PAM: variants seen among roughly 807,000 people sequenced by gnomAD.
The protein encoded by PAM is peptidyl-glycine alpha-amidating monooxygenase.
A neutral mutation model predicts 122.1 loss-of-function variants in PAM; 72 were observed. The ratio of observed to expected loss-of-function variants is 0.59; its 90% CI spans 0.49 to 0.72. The LOEUF (loss-of-function observed/expected upper bound fraction) is 0.72, where lower values mean the gene tolerates loss of function less well. Ranked by LOEUF, PAM falls within the 30% of genes least tolerant of loss-of-function variation. The probability of loss-of-function intolerance (pLI) is 0.00; values close to 1 mark genes in which losing one functional copy is unlikely to be tolerated. For missense variants in PAM, 1,106 were observed against 1,183.7 expected, an observed-to-expected ratio of 0.93 and a Z score of 0.96; for synonymous variants, 389 against 404.4, an observed-to-expected ratio of 0.96 and a Z score of 0.46.
intron 14 of PAM, 141 bp downstream of exon 14, chr5:102,961,370 T>G (rs1762446346): frequency 1.9e-6 from 1 of 531,548 alleles, no homozygotes; most frequent in African/African-American, 2.0e-5. Flanking sequence ...ATACAATGCA[T>G]AATTCATGAG....
intron 1 of PAM, among the ~76,000 whole-genome samples, chr5:102,807,569 T>G (rs1423503378): frequency 1.3e-5 from 2 of 152,172 alleles, no homozygotes; most frequent in Non-Finnish European, 2.9e-5. Flanking sequence ...GGATAAGTGA[T>G]GTATTGGCAA....
At chr5:102,797,808 C>G (rs570123722) in intron 1 of PAM, among the ~76,000 whole-genome samples, 4 of 152,206 alleles carry the variant, frequency 2.6e-5, no homozygotes, top group Non-Finnish European at 5.9e-5. Context: ...TGGTATTAGC[C>G]TTCCACCTTT....
intron 1 of PAM, among the ~76,000 whole-genome samples, chr5:102,788,974 C>T (rs942250671): frequency 6.6e-6 from 1 of 152,000 alleles, no homozygotes; most frequent in African/African-American, 2.4e-5. Context: ...CGGTCAGAGG[C>T]TAGGTGTGAA....
At chr5:102,816,331 G>A (rs890498233) in intron 1 of PAM, among the ~76,000 whole-genome samples, 1 of 152,140 alleles carries the variant, frequency 6.6e-6, no homozygotes, top group Non-Finnish European at 1.5e-5. Context: ...GGCATTCTCT[G>A]CCTCAAGGAA....
chr5:102,965,765 A>G (rs2150318997), intron 14 of PAM, among the ~76,000 whole-genome samples: 1 of 152,112 alleles, frequency 6.6e-6, no homozygotes, highest in Non-Finnish European at 1.5e-5. Flanking sequence ...ATACCCCATG[A>G]CCCCAGATAG....
intron 3 of PAM, among the ~76,000 whole-genome samples, chr5:102,868,487 A>G (rs1444515371): frequency 1.3e-5 from 2 of 152,166 alleles, no homozygotes; most frequent in African/African-American, 4.8e-5. Context: ...GACCATGCAG[A>G]TGACTTTCCA....
At chr5:102,819,167 GT>G (rs1281061565) in intron 1 of PAM, among the ~76,000 whole-genome samples, 1 of 152,202 alleles carries the variant, frequency 6.6e-6, no homozygotes, top group African/African-American at 2.4e-5. Context: ...CAAAGTGGAA[GT>G]GCAAACCTTA....
chr5:102,956,601 T>C (rs776732068), intron 12 of PAM, among the ~76,000 whole-genome samples: 19 of 152,216 alleles, frequency 1.2e-4, no homozygotes, highest in Middle Eastern at 6.8e-3. Context: ...ATTTCTAATA[T>C]AGTAATTGCT....
At chr5:102,785,382 T>C (rs1760228306) in intron 1 of PAM, among the ~76,000 whole-genome samples, 1 of 152,232 alleles carries the variant, frequency 6.6e-6, no homozygotes, top group Non-Finnish European at 1.5e-5. Flanking sequence ...GCTTTGTACT[T>C]TTGTGTTTTA....
At chr5:102,889,812 C>A (rs969863654) in intron 3 of PAM, among the ~76,000 whole-genome samples, 5 of 151,842 alleles carry the variant, frequency 3.3e-5, no homozygotes, top group African/African-American at 4.8e-5. Flanking sequence ...CTTATTGGGC[C>A]TGTCTAGGAC....
chr5:102,828,005 T>A (rs1396836319), intron 1 of PAM, among the ~76,000 whole-genome samples: 1 of 152,222 alleles, frequency 6.6e-6, no homozygotes, highest in Non-Finnish European at 1.5e-5. Flanking sequence ...ATATTTATTT[T>A]AATTTTTCCT....
At chr5:102,913,646 AC>A (rs1242881742) in intron 4 of PAM, among the ~76,000 whole-genome samples, 4 of 151,952 alleles carry the variant, frequency 2.6e-5, no homozygotes, top group Non-Finnish European at 4.4e-5. Flanking sequence ...TTCATTTAAT[AC>A]CCATATAATG....
chr5:102,860,325 G>A (rs1197234972), intron 1 of PAM, among the ~76,000 whole-genome samples: 2 of 152,172 alleles, frequency 1.3e-5, no homozygotes, highest in Non-Finnish European at 2.9e-5. Flanking sequence ...GGGCAAGTGA[G>A]ATAAAGTACA....
chr5:102,914,800 C>T (rs901243820), intron 5 of PAM, among the ~76,000 whole-genome samples: 1 of 152,062 alleles, frequency 6.6e-6, no homozygotes, highest in Non-Finnish European at 1.5e-5. Context: ...CAGTTATTTT[C>T]ATTTTACCAC....
chr5:102,925,871 T>C (rs1396518257), intron 6 of PAM, among the ~76,000 whole-genome samples: 1 of 152,096 alleles, frequency 6.6e-6, no homozygotes, highest in Non-Finnish European at 1.5e-5. Context: ...GTAAGACTAA[T>C]AAGAATATTC....
At chr5:102,782,146 A>G (rs1759134282) in intron 1 of PAM, among the ~76,000 whole-genome samples, 1 of 152,264 alleles carries the variant, frequency 6.6e-6, no homozygotes, top group Non-Finnish European at 1.5e-5. Flanking sequence ...TGAACACTTT[A>G]GAACACATTA....
intron 21 of PAM, 29 bp from the exon 22 acceptor site, chr5:103,017,305 C>T (rs760636339): frequency 2.2e-6 from 3 of 1,361,218 alleles, no homozygotes; most frequent in Non-Finnish European, 3.2e-6. Flanking sequence ...AGGCTCACCA[C>T]TCTAATGTGT....
At chr5:102,795,663 C>T (rs1014922055) in intron 1 of PAM, among the ~76,000 whole-genome samples, 2 of 152,122 alleles carry the variant, frequency 1.3e-5, no homozygotes, top group South Asian at 2.1e-4. Context: ...GAGGAACATA[C>T]GTATTTGTGC....
chr5:102,868,749 C>A (rs999442304), intron 3 of PAM, among the ~76,000 whole-genome samples: 1 of 152,084 alleles, frequency 6.6e-6, no homozygotes, highest in African/African-American at 2.4e-5. Context: ...ATTATTTTAT[C>A]AAATAGTCTT....
Sources: gnomAD v4.1 joint callset for allele counts (sites outside exome capture counted in the v4.1 genomes callset) on GRCh38, gnomAD v4.1.1 for gene constraint, MANE v1.5 for transcripts, NCBI Gene and HGNC (gene_info 2026-07-23, HGNC 2026-07-21) for gene names.